The following GPATCH2 variants were observed in gnomAD, a reference collection of about 807,000 sequenced individuals.
GPATCH2 encodes G patch domain-containing protein 2.
GPATCH2 carries 51 observed loss-of-function variants against 58.0 expected under a neutral mutation model. The observed-to-expected ratio is 0.88, with a 90% CI of 0.70 to 1.11. GPATCH2 has a LOEUF of 1.11. GPATCH2 is among the 50% of genes most tolerant of loss of function. The pLI is 0.00. For missense variants in GPATCH2, 625 were observed against 652.2 expected (o/e 0.96, Z 0.45); for synonymous variants, 222 against 218.5 (o/e 1.02, Z -0.14).
chr1:217,620,374 A>T lies in GPATCH2; in HGVS notation c.182T>A (p.Leu61Gln). 6 of 1,614,010 alleles carry T rather than the reference A, an allele frequency of 3.7e-6. No individual in the cohort carries two copies. Among genetic ancestry groups the T allele is most frequent in the Non-Finnish European group, 5.1e-6 (6 of 1,179,968 alleles). The change falls in exon 2 of 10, where the codon CTG (leucine) becomes CAG (glutamine). Residue 61 changes from leucine to glutamine, a missense_variant. Coordinates refer to ENST00000366935, the MANE Select transcript of GPATCH2 (RefSeq NM_018040.5). ...GDHSRSISCPLKRQARKRRGR... is the reference protein window; with the variant it reads ...GDHSRSISCPQKRQARKRRGR... ...TCTCCTTTTCCTTGCCTGGCGTTTCAGAGGGCAAGATATACTTCGAGAATG... is the reference window on the plus strand; with the variant it reads ...TCTCCTTTTCCTTGCCTGGCGTTTCTGAGGGCAAGATATACTTCGAGAATG...
chr1:217,522,852 A>C (rs943527995), intron 5 of GPATCH2, among the ~76,000 whole-genome samples: 16 of 151,594 alleles, frequency 1.1e-4, no homozygotes, highest in Admixed American at 8.5e-4. Flanking sequence ...ACACACACAC[A>C]ACTTCTCAAA....
At position 217,563,466 on chromosome 1, in the gene GPATCH2, A is replaced by T. The variant is rs139487647; in HGVS notation, c.1098+46855T>A. On this transcript the variant is annotated intron_variant, in intron 5 of 9. Transcript: ENST00000366935. ...CTACCATGATAGTGAGACAGAAAAA[A>T]CCTAGAGGTTAATGAGTTCAGTCCT... is the stretch of plus-strand genomic sequence containing the variant. Among the ~76,000 whole-genome samples, 901 of 152,232 alleles carry T rather than the reference A, an allele frequency of 5.9e-3. 10 individuals are homozygous for T. The highest frequency in any genetic ancestry group is 0.02 in the African/African-American group (844 of 41,550).
chr1:217,524,630 T>TGGCGGATCACTC (rs1489044271), intron 5 of GPATCH2, among the ~76,000 whole-genome samples: 1 of 151,534 alleles, frequency 6.6e-6, no homozygotes, highest in African/African-American at 2.4e-5. Context: ...AGGCCGAGGC[T>TGGCGGATCACTC]GGCGGATCAC....
chr1:217,567,833 A>G (rs1320378487), intron 5 of GPATCH2, among the ~76,000 whole-genome samples: 11 of 152,202 alleles, frequency 7.2e-5, no homozygotes, highest in Admixed American at 7.2e-4. Context: ...AACATTATTT[A>G]TGGCCAGGCG....
intron 6 of GPATCH2, among the ~76,000 whole-genome samples, chr1:217,507,999 C>T (rs537434243): frequency 2.6e-4 from 40 of 152,150 alleles, no homozygotes; most frequent in African/African-American, 7.9e-4. Flanking sequence ...AGTATGTCAT[C>T]ATTATCATCA....
chr1:217,560,189 G>A (rs75112540), intron 5 of GPATCH2, among the ~76,000 whole-genome samples: 15 of 152,160 alleles, frequency 9.9e-5, no homozygotes, highest in East Asian at 9.7e-4. Context: ...CTGGTTACTC[G>A]TGTTTGTTTT....
At chr1:217,571,498 C>A (rs1368698114) in intron 5 of GPATCH2, among the ~76,000 whole-genome samples, 1 of 143,272 alleles carries the variant, frequency 7.0e-6, no homozygotes, top group African/African-American at 2.5e-5. Context: ...CTGGGCGCCA[C>A]ATTTGAAAGA....
intron 9 of GPATCH2, among the ~76,000 whole-genome samples, chr1:217,443,415 T>A: frequency 6.6e-6 from 1 of 152,176 alleles, no homozygotes; most frequent in East Asian, 1.9e-4. Context: ...ACAATTTCAT[T>A]CTTACGTAGG....
intron 6 of GPATCH2, among the ~76,000 whole-genome samples, chr1:217,510,864 G>A (rs1450456733): frequency 2.6e-5 from 4 of 151,942 alleles, no homozygotes; most frequent in Admixed American, 2.0e-4. Flanking sequence ...AAGCTGAGGC[G>A]GGCAAATCAC....
At chr1:217,567,854 C>T (rs1039209886) in intron 5 of GPATCH2, among the ~76,000 whole-genome samples, 5 of 152,190 alleles carry the variant, frequency 3.3e-5, no homozygotes, top group Non-Finnish European at 5.9e-5. Context: ...TGGTGGCTCA[C>T]GCCTGTAATC....
intron 9 of GPATCH2, among the ~76,000 whole-genome samples, chr1:217,440,397 C>A (rs1359101275): frequency 6.6e-6 from 1 of 152,102 alleles, no homozygotes; most frequent in East Asian, 1.9e-4. Context: ...AAACCCACAG[C>A]CAATATCATA....
At chr1:217,568,411 C>T (rs544084859) in intron 5 of GPATCH2, among the ~76,000 whole-genome samples, 24 of 152,198 alleles carry the variant, frequency 1.6e-4, no homozygotes, top group African/African-American at 5.1e-4. Context: ...TCTGCTTTCA[C>T]GGAGCCTATA....
intron 6 of GPATCH2, among the ~76,000 whole-genome samples, chr1:217,510,663 T>C (rs746157524): frequency 1.4e-4 from 22 of 152,194 alleles, no homozygotes; most frequent in East Asian, 5.8e-4. Flanking sequence ...TTCATACAAA[T>C]TGGTAAATGG....
At chr1:217,584,112 A>G (rs1179746985) in intron 5 of GPATCH2, among the ~76,000 whole-genome samples, 2 of 151,882 alleles carry the variant, frequency 1.3e-5, no homozygotes, top group Admixed American at 1.3e-4. Flanking sequence ...AATAAATGCT[A>G]TACATTAATA....
At chr1:217,571,104 A>G (rs1455660601) in intron 5 of GPATCH2, among the ~76,000 whole-genome samples, 8 of 152,218 alleles carry the variant, frequency 5.3e-5, no homozygotes, top group Non-Finnish European at 5.9e-5. Context: ...ATACTTCTCA[A>G]GTTTAATTAT....
At chr1:217,622,613 G>A (rs1669248632) in intron 1 of GPATCH2, among the ~76,000 whole-genome samples, 1 of 152,218 alleles carries the variant, frequency 6.6e-6, no homozygotes, top group South Asian at 2.1e-4. Context: ...GCATGATCTC[G>A]GCTCACTGCA....
chr1:217,530,420 A>C (rs1411931424), intron 5 of GPATCH2, among the ~76,000 whole-genome samples: 1 of 152,254 alleles, frequency 6.6e-6, no homozygotes, highest in East Asian at 1.9e-4. Flanking sequence ...AGTGTGTATT[A>C]GCTATTATTA....
intron 5 of GPATCH2, among the ~76,000 whole-genome samples, chr1:217,607,111 C>T (rs1008302486): frequency 9.2e-5 from 14 of 152,144 alleles, no homozygotes; most frequent in South Asian, 2.1e-4. Context: ...CAGTCAATCT[C>T]GTTCCCATTG....
At chr1:217,448,434 C>T (rs900493877) in intron 9 of GPATCH2, among the ~76,000 whole-genome samples, 2 of 152,200 alleles carry the variant, frequency 1.3e-5, no homozygotes, top group Non-Finnish European at 2.9e-5. Context: ...TGGCTAACGG[C>T]TGTTTATTTA....
Sources: allele counts gnomAD v4.1 joint callset (sites outside exome capture counted in the v4.1 genomes callset), GRCh38; gene constraint gnomAD v4.1.1; transcripts MANE v1.5; gene names NCBI Gene and HGNC (gene_info 2026-07-23, HGNC 2026-07-21).